TANGO6: variants seen among roughly 807,000 people sequenced by gnomAD.
TANGO6 encodes transport and Golgi organization protein 6 homolog.
A neutral mutation model predicts 114.2 loss-of-function variants in TANGO6; 90 were observed. That is an observed-to-expected ratio of 0.79 (90% CI 0.66 to 0.94). The LOEUF (loss-of-function observed/expected upper bound fraction) is 0.94. Among genes scored for constraint, TANGO6 ranks in the 40% least tolerant of loss-of-function variants. TANGO6 has a pLI of 0.00. For missense variants in TANGO6, 1,274 were observed against 1,315.3 expected, an observed-to-expected ratio of 0.97 and a Z score of 0.49; for synonymous variants, 477 against 509.8, an observed-to-expected ratio of 0.94 and a Z score of 0.87.
chr16:68,851,197 T>C (rs1206864646), intron 1 of TANGO6, among the ~76,000 whole-genome samples: 4 of 152,292 alleles, frequency 2.6e-5, no homozygotes, highest in South Asian at 4.1e-4. Flanking sequence ...TCTCGCTCTG[T>C]CTCCCAGGCT....
chr16:68,973,524 A>G (rs1963730655), intron 14 of TANGO6, among the ~76,000 whole-genome samples: 1 of 152,132 alleles, frequency 6.6e-6, no homozygotes, highest in Admixed American at 6.5e-5. Context: ...CAGGCTACAC[A>G]TTTAGAAGGC....
chr16:68,892,302 A>G (rs914324249), intron 7 of TANGO6, among the ~76,000 whole-genome samples: 2 of 152,178 alleles, frequency 1.3e-5, no homozygotes, highest in African/African-American at 4.8e-5. Flanking sequence ...GACGCCTCAT[A>G]TCATAGCTGG....
At chr16:68,928,161 CTA>C in intron 13 of TANGO6, 78 bp downstream of exon 13, 2 of 1,448,168 alleles carry the variant, frequency 1.4e-6, no homozygotes, top group Non-Finnish European at 1.8e-6. Flanking sequence ...GGAGCCTGGA[CTA>C]TGTGTCAAGT....
At chr16:68,949,504 C>T (rs1031067817) in intron 14 of TANGO6, among the ~76,000 whole-genome samples, 1 of 151,926 alleles carries the variant, frequency 6.6e-6, no homozygotes, top group Non-Finnish European at 1.5e-5. Context: ...GCCTGTAATC[C>T]CAGCTACTTG....
At position 69,051,297 on chromosome 16, in the gene TANGO6, T is replaced by C. The variant is rs1381057120; in HGVS notation, c.3108+10876T>C. On this transcript the variant is annotated intron_variant, in intron 17 of 17. Transcript: ENST00000261778. Reference sequence around the variant, plus strand: ...GGCTCACGCCTGTAATCCCAGCAGTTTGGGAGACTGAGGTGGGTGGATCCT... The same window carrying C: ...GGCTCACGCCTGTAATCCCAGCAGTCTGGGAGACTGAGGTGGGTGGATCCT... 2.0e-5 allele frequency among the ~76,000 whole-genome samples: 3 copies of C among 152,096 alleles called. No homozygotes were observed. The East Asian group carries it at 5.8e-4, about 29-fold the overall frequency.
chr16:69,047,157 G>T, intron 17 of TANGO6, among the ~76,000 whole-genome samples: 1 of 146,918 alleles, frequency 6.8e-6, no homozygotes, highest in Non-Finnish European at 1.5e-5. Context: ...CTCCAGCCTG[G>T]GCAACAGAGT....
intron 1 of TANGO6, among the ~76,000 whole-genome samples, chr16:68,845,691 T>G (rs904432012): frequency 1.4e-4 from 21 of 151,976 alleles, no homozygotes; most frequent in Admixed American, 7.9e-4. Flanking sequence ...ACTAAAAAAT[T>G]GGCCAGGCAT....
intron 7 of TANGO6, among the ~76,000 whole-genome samples, chr16:68,883,780 A>G (rs1296027261): frequency 6.6e-6 from 1 of 152,228 alleles, no homozygotes; most frequent in Non-Finnish European, 1.5e-5. Flanking sequence ...CATCGGCAGT[A>G]TATGAGGGTA....
intron 17 of TANGO6, among the ~76,000 whole-genome samples, chr16:69,077,105 G>A (rs981617523): frequency 1.1e-4 from 17 of 151,782 alleles, no homozygotes; most frequent in Non-Finnish European, 2.4e-4. Flanking sequence ...GCAGTGGCAC[G>A]ATCACAGTTC....
chr16:68,923,814 G>GTT lies in TANGO6; in HGVS notation c.2128-3751_2128-3750dup, dbSNP rs1455730452. 3.1e-5 allele frequency among the ~76,000 whole-genome samples: 3 copies of GTT among 96,024 alleles called. No homozygotes were observed. The South Asian group carries it at 7.6e-4, about 24-fold the overall frequency. 63.0% of individuals were successfully genotyped at this position (96,024 alleles called of 152,430 possible). ...AAGGAGGCATGATTTGTTTTGTTTTGTTTTGTTTTGTTTTGTTTTGTTTTG... is the reference window on the plus strand; with the variant it reads ...AAGGAGGCATGATTTGTTTTGTTTTGTTTTTTGTTTTGTTTTGTTTTGTTTTG... On this transcript the variant is annotated intron_variant, in intron 12 of 17. Coordinates refer to ENST00000261778, the MANE Select transcript of TANGO6 (RefSeq NM_024562.2).
chr16:68,952,135 A>G (rs1963477554), intron 14 of TANGO6, among the ~76,000 whole-genome samples: 1 of 152,210 alleles, frequency 6.6e-6, no homozygotes, highest in African/African-American at 2.4e-5. Flanking sequence ...TGTCCACTTT[A>G]CAAGCTATTA....
intron 16 of TANGO6, among the ~76,000 whole-genome samples, chr16:69,025,272 G>A (rs1597062708): frequency 6.6e-6 from 1 of 152,330 alleles, no homozygotes; most frequent in South Asian, 2.1e-4. Context: ...GAAGGGTGAG[G>A]AGGGCAGAGA....
intron 17 of TANGO6, among the ~76,000 whole-genome samples, chr16:69,069,395 C>T (rs1285760643): frequency 6.6e-6 from 1 of 152,228 alleles, no homozygotes; most frequent in Non-Finnish European, 1.5e-5. Context: ...CACAAAATCA[C>T]ATCTTGGGCA....
chr16:68,913,073 CAA>C (rs979992402), intron 11 of TANGO6, among the ~76,000 whole-genome samples: 2,496 of 72,016 alleles, frequency 0.035, 33 homozygotes, highest in Middle Eastern at 0.12. Context: ...GAGTGAGACT[CAA>C]AAAAAAAAAA....
At chr16:69,018,035 C>T (rs1364173574) in intron 15 of TANGO6, among the ~76,000 whole-genome samples, 2 of 150,202 alleles carry the variant, frequency 1.3e-5, no homozygotes, top group South Asian at 2.1e-4. Context: ...TCCCAAGTAG[C>T]GGGATTACAG....
At chr16:69,000,424 C>T (rs1241573452) in intron 15 of TANGO6, among the ~76,000 whole-genome samples, 2 of 152,052 alleles carry the variant, frequency 1.3e-5, no homozygotes, top group African/African-American at 4.8e-5. Context: ...GTCTATTTAG[C>T]TAAAATAACT....
chr16:68,843,558 G>A lies in TANGO6; in HGVS notation c.-60G>A. The A allele has an allele frequency of 6.5e-7, 1 of 1,532,746 alleles. No individual in the cohort carries two copies. Among genetic ancestry groups the A allele is most frequent in the Non-Finnish European group, 9.0e-7 (1 of 1,117,246 alleles). The allele number at this position is 1,532,746 out of a possible 1,614,324, so 94.9% of individuals were successfully genotyped here. A position where few individuals can be genotyped will look rare whatever the true frequency, so the allele number is the denominator to read the frequency against. ...AGCCTTCTGCCACACTTAACATGGC[G>A]GCGGCGGCGCCCTGCCGAGGCGCCT... On this transcript the variant is annotated 5_prime_UTR_variant, in exon 1 of 18. Transcript: ENST00000261778.
chr16:68,878,331 G>T (rs1962402157), intron 6 of TANGO6, 51 bp downstream of exon 6: 1 of 1,525,454 alleles, frequency 6.6e-7, no homozygotes, highest in Admixed American at 2.2e-5. Flanking sequence ...ACCTTCTTCA[G>T]TATTTCACGT....
At position 68,875,265 on chromosome 16, in the gene TANGO6, A is replaced by T. The variant is rs1052601469; in HGVS notation, c.1106A>T (p.Asn369Ile). 2 of 1,613,552 alleles carry T rather than the reference A, an allele frequency of 1.2e-6. No homozygotes were observed. Among genetic ancestry groups the T allele is most frequent in the African/African-American group, 2.7e-5 (2 of 74,924 alleles). ...CCCCAGCAGTCTCTTTCACCAGAGA[A>T]TTACTACAGGGACATCTGCCCCCAG... is the stretch of plus-strand genomic sequence containing the variant. ...SCPQQSLSPENYYRDICPQVL... is the reference protein window; with the variant it reads ...SCPQQSLSPEIYYRDICPQVL... Residue 369 changes from asparagine (N) to isoleucine (I), a missense_variant, in exon 5 of 18, where the codon AAT (asparagine) becomes ATT (isoleucine). By Grantham distance (149) the Asn-to-Ile change is moderately radical (BLOSUM62 -3). Coordinates refer to ENST00000261778, the MANE Select transcript of TANGO6 (RefSeq NM_024562.2).
Sources: gnomAD v4.1 joint callset for allele counts (sites outside exome capture counted in the v4.1 genomes callset) on GRCh38, gnomAD v4.1.1 for gene constraint, MANE v1.5 for transcripts, NCBI Gene and HGNC (gene_info 2026-07-23, HGNC 2026-07-21) for gene names.